Variants in PITPNB observed in about 807,000 individuals in gnomAD.
The protein encoded by PITPNB is phosphatidylinositol transfer protein beta isoform.
Under a neutral mutation model 45.9 loss-of-function variants are expected in PITPNB, and 16 were observed. The observed-to-expected ratio is 0.35, with a 90% CI of 0.24 to 0.53. The LOEUF is 0.53. Among genes scored for constraint, PITPNB ranks in the 20% least tolerant of loss-of-function variants. PITPNB has a pLI of 0.93. For synonymous variants in PITPNB, 112 were observed against 108.9 expected (o/e 1.03, Z -0.18); for missense variants, 188 against 330.5 (o/e 0.57, Z 3.34).
At position 27,854,480 on chromosome 22, in the gene PITPNB, G is replaced by C. The variant is rs1430212116; in HGVS notation, c.*38+374C>G. ...GGTATGGGATAGAGGATCTTTATTT[G>C]ATCTCAAGTGATTTTGCATATTTCC... On this transcript the variant is annotated intron_variant, in intron 11 of 11. Transcript: ENST00000335272. 2.0e-5 allele frequency among the ~76,000 whole-genome samples: 3 copies of C among 152,102 alleles called. No homozygotes were observed. The East Asian group carries it at 5.8e-4, about 29-fold the overall frequency.
At position 27,853,660 on chromosome 22, in the gene PITPNB, G is replaced by T; in HGVS notation, c.*42C>A. ...GTTCCCCTCACTTGACCTTGATTACGTAACTGTAAGAAAAGTGAAAGACAG... is the reference window on the plus strand; with the variant it reads ...GTTCCCCTCACTTGACCTTGATTACTTAACTGTAAGAAAAGTGAAAGACAG... On this transcript the variant is annotated 3_prime_UTR_variant, in exon 12 of 12. Transcript: ENST00000335272. 5.2e-6 allele frequency: 8 copies of T among 1,549,470 alleles called. No homozygotes were observed. Among genetic ancestry groups the T allele is most frequent in the Non-Finnish European group, 7.0e-6 (8 of 1,145,662 alleles).
intron 3 of PITPNB, among the ~76,000 whole-genome samples, chr22:27,900,305 G>A (rs554136757): frequency 1.3e-5 from 2 of 151,762 alleles, no homozygotes; most frequent in Non-Finnish European, 2.9e-5. Context: ...TATTCCTATA[G>A]TGCCTGATAT....
chr22:27,907,546 T>C (rs1025304217), intron 3 of PITPNB, among the ~76,000 whole-genome samples: 36 of 152,198 alleles, frequency 2.4e-4, no homozygotes, highest in African/African-American at 8.4e-4. Context: ...TTATTTCCCA[T>C]GCTGCCTGAG....
intron 3 of PITPNB, among the ~76,000 whole-genome samples, chr22:27,904,921 T>C (rs1258849098): frequency 1.3e-5 from 2 of 151,918 alleles, no homozygotes; most frequent in Non-Finnish European, 2.9e-5. Flanking sequence ...TTTCACACAA[T>C]AAAAGGGGAA....
In PITPNB at chr22:27,853,437, T is replaced by C. The variant is rs998916743; in HGVS notation, c.*265A>G. 3 of 593,330 alleles carry C rather than the reference T, an allele frequency of 5.1e-6. No homozygotes were observed. Among genetic ancestry groups the C allele is most frequent in the Non-Finnish European group, 9.1e-6 (3 of 330,562 alleles). 36.8% of individuals were successfully genotyped at this position (593,330 alleles called of 1,614,324 possible). A position where few individuals can be genotyped will look rare whatever the true frequency, so the allele number is the denominator to read the frequency against. ...CCTTCAGTATGTCTGTATGTACATATATACACAAGTGTGTGTATCTGGATC... is the reference window on the plus strand; with the variant it reads ...CCTTCAGTATGTCTGTATGTACATACATACACAAGTGTGTGTATCTGGATC... On this transcript the variant is annotated 3_prime_UTR_variant, in exon 12 of 12. Coordinates refer to ENST00000335272, the MANE Select transcript of PITPNB (RefSeq NM_012399.5).
intron 7 of PITPNB, among the ~76,000 whole-genome samples, chr22:27,891,744 T>C (rs976538604): frequency 2.6e-5 from 4 of 152,168 alleles, no homozygotes; most frequent in African/African-American, 9.7e-5. Context: ...GACTGTAAGT[T>C]TCCCAAGGCC....
chr22:27,909,993 C>G (rs1316670604), intron 3 of PITPNB, among the ~76,000 whole-genome samples: 1 of 150,728 alleles, frequency 6.6e-6, no homozygotes, highest in Non-Finnish European at 1.5e-5. Flanking sequence ...GCTCTGTCAC[C>G]AGGCTGGAGT....
chr22:27,861,626 T>C (rs887326864), intron 8 of PITPNB, among the ~76,000 whole-genome samples: 1 of 152,056 alleles, frequency 6.6e-6, no homozygotes, highest in Non-Finnish European at 1.5e-5. Flanking sequence ...AGGGGCTCGG[T>C]CTACTACAGA....
At chr22:27,872,236 C>T (rs867789747) in intron 8 of PITPNB, among the ~76,000 whole-genome samples, 11 of 151,526 alleles carry the variant, frequency 7.3e-5, no homozygotes, top group East Asian at 1.9e-4. Flanking sequence ...TGGGATTACA[C>T]GCAAGCACCA....
intron 8 of PITPNB, among the ~76,000 whole-genome samples, chr22:27,862,700 T>C (rs1934374446): frequency 6.6e-6 from 1 of 152,206 alleles, no homozygotes; most frequent in Non-Finnish European, 1.5e-5. Context: ...AGTAATATAA[T>C]TCAGCAGGTA....
At chr22:27,879,893 T>G (rs1261954634) in intron 7 of PITPNB, among the ~76,000 whole-genome samples, 3 of 152,306 alleles carry the variant, frequency 2.0e-5, no homozygotes, top group African/African-American at 7.2e-5. Context: ...CTTTAGCTTC[T>G]AAGTCCCAAG....
intron 3 of PITPNB, among the ~76,000 whole-genome samples, chr22:27,910,091 T>C (rs546118285): frequency 1.3e-4 from 20 of 151,954 alleles, no homozygotes; most frequent in South Asian, 6.2e-4. Context: ...GCTGGGACTA[T>C]AGGCGTGCGC....
chr22:27,856,279 T>C (rs980487510), intron 10 of PITPNB, among the ~76,000 whole-genome samples: 57 of 152,294 alleles, frequency 3.7e-4, no homozygotes, highest in African/African-American at 1.3e-3. Context: ...CACTAAGGAA[T>C]TGGGCTTTTA....
In PITPNB at chr22:27,894,573, T is replaced by G. The variant is rs1935380716; in HGVS notation, c.438A>C (p.Arg146Ser). 6.3e-7 allele frequency: 1 copy of G among 1,585,080 alleles called. No individual in the cohort carries two copies. Among genetic ancestry groups the G allele is most frequent in the South Asian group, 1.1e-5 (1 of 90,400 alleles). The change falls in exon 7 of 12, where the codon AGA becomes AGC. Residue 146 changes from arginine (R) to serine (S), a missense_variant. Arg to Ser is a moderately radical substitution (Grantham distance 110). Coordinates refer to ENST00000335272, the MANE Select transcript of PITPNB (RefSeq NM_012399.5). ...TACTTACTGCTGGTTCAACTTGACTTCTATCTGCAATATCTATATGGACAA... is the reference window on the plus strand; with the variant it reads ...TACTTACTGCTGGTTCAACTTGACTGCTATCTGCAATATCTATATGGACAA... ...VEIVHIDIAD[R>S]SQVEPADYKA... is the part of the protein sequence containing the mutation.
chr22:27,854,289 G>A (rs1934110853), intron 11 of PITPNB, among the ~76,000 whole-genome samples: 2 of 151,302 alleles, frequency 1.3e-5, no homozygotes, highest in South Asian at 2.1e-4. Context: ...CATATAATGT[G>A]TTAGAGAAAT....
chr22:27,860,565 G>C (rs574268846), intron 8 of PITPNB: 16 of 184,744 alleles, frequency 8.7e-5, no homozygotes, highest in South Asian at 8.6e-4. Flanking sequence ...AATACATAAG[G>C]GTTCTCATAA....
chr22:27,875,345 G>C (rs930177143), intron 7 of PITPNB, among the ~76,000 whole-genome samples: 10 of 152,260 alleles, frequency 6.6e-5, no homozygotes, highest in African/African-American at 2.2e-4. Flanking sequence ...GGGATGGACA[G>C]TCTGCAAGGA....
At chr22:27,910,600 T>C (rs1237186358) in intron 3 of PITPNB, 1 of 172,906 alleles carries the variant, frequency 5.8e-6, no homozygotes, top group African/African-American at 2.4e-5. Flanking sequence ...TATGGTCCAT[T>C]TGTTGTAGAA....
chr22:27,899,305 A>G (rs1393439266), intron 3 of PITPNB, among the ~76,000 whole-genome samples: 1 of 152,112 alleles, frequency 6.6e-6, no homozygotes, highest in Non-Finnish European at 1.5e-5. Context: ...AAATGAAAGG[A>G]GCTAATTCTT....
Sources: gnomAD v4.1 joint callset for allele counts (sites outside exome capture counted in the v4.1 genomes callset) on GRCh38, gnomAD v4.1.1 for gene constraint, MANE v1.5 for transcripts, NCBI Gene and HGNC (gene_info 2026-07-23, HGNC 2026-07-21) for gene names.